Variants in DPYD observed in about 807,000 individuals in gnomAD.
The protein encoded by DPYD is dihydropyrimidine dehydrogenase.
DPYD carries 109 observed loss-of-function variants against 116.2 expected under a neutral mutation model. The ratio of observed to expected loss-of-function variants is 0.94; its 90% confidence interval spans 0.80 to 1.10. The LOEUF (loss-of-function observed/expected upper bound fraction) is 1.10, where lower values mean the gene tolerates loss of function less well. Among genes scored for constraint, DPYD ranks in the 50% least tolerant of loss-of-function variants. DPYD has a pLI of 0.00. For synonymous variants in DPYD, 440 were observed against 432.0 expected, an observed-to-expected ratio of 1.02 and a Z score of -0.23; for missense variants, 1,302 against 1,254.5, an observed-to-expected ratio of 1.04 and a Z score of -0.57.
intron 20 of DPYD, 96 bp downstream of exon 20, chr1:97,192,973 T>A: frequency 1.4e-6 from 2 of 1,409,462 alleles, no homozygotes; most frequent in Admixed American, 1.7e-5. Flanking sequence ...GGCACTGTGT[T>A]TCCTTTGTTA....
chr1:97,376,887 G>GTGTGTGTGTATATATATATATATATA lies in DPYD; in HGVS notation c.1975-3244_1975-3243insTATATATATATATATATACACACACA. ...AGTTTGTGTGTGTGTGTGTGTGTGT[G>GTGTGTGTGTATATATATATATATATA]TATATATATATATATGGTGTGGACT... On this transcript the variant is annotated intron_variant, in intron 15 of 22. Transcript: ENST00000370192. Among the ~76,000 whole-genome samples, 152 of 128,410 alleles carry GTGTGTGTGTATATATATATATATATA rather than the reference G, an allele frequency of 1.2e-3. 3 individuals carry two copies. Among genetic ancestry groups the GTGTGTGTGTATATATATATATATATA allele is most frequent in the East Asian group, 0.012 (45 of 3,854 alleles). The allele number at this position is 128,410 out of a possible 152,430, so 84.2% of individuals were successfully genotyped here.
chr1:97,577,833 T>TTTAA (rs549717330), intron 10 of DPYD, among the ~76,000 whole-genome samples: 55 of 152,124 alleles, frequency 3.6e-4, no homozygotes, highest in Admixed American at 7.2e-4. Context: ...TTTATTTTAT[T>TTTAA]TTAATTAATT....
At chr1:97,590,039 GATA>G (rs1654395932) in intron 10 of DPYD, among the ~76,000 whole-genome samples, 1 of 152,158 alleles carries the variant, frequency 6.6e-6, no homozygotes, top group South Asian at 2.1e-4. Flanking sequence ...TCTTAAAGTA[GATA>G]ATGATATTGG....
intron 10 of DPYD, among the ~76,000 whole-genome samples, chr1:97,584,477 T>C (rs1166934754): frequency 6.6e-6 from 1 of 152,116 alleles, no homozygotes; most frequent in African/African-American, 2.4e-5. Context: ...AGACATGAAG[T>C]CCTTGCCCAT....
At chr1:97,445,043 A>C (rs966956028) in intron 14 of DPYD, among the ~76,000 whole-genome samples, 7 of 152,168 alleles carry the variant, frequency 4.6e-5, no homozygotes, top group Non-Finnish European at 1.0e-4. Context: ...AACTGTTCTC[A>C]GTGCCACAAG....
At chr1:97,114,364 T>C (rs1409244993) in intron 20 of DPYD, among the ~76,000 whole-genome samples, 2 of 152,178 alleles carry the variant, frequency 1.3e-5, no homozygotes, top group Non-Finnish European at 2.9e-5. Flanking sequence ...AAAGACTATG[T>C]ACATTATATA....
At chr1:97,643,752 C>T (rs571781203) in intron 8 of DPYD, among the ~76,000 whole-genome samples, 2 of 152,216 alleles carry the variant, frequency 1.3e-5, no homozygotes, top group South Asian at 4.1e-4. Flanking sequence ...ACTATGCAGC[C>T]ATAAAAAAGG....
chr1:97,443,320 T>C (rs1277596244), intron 14 of DPYD, among the ~76,000 whole-genome samples: 1 of 152,114 alleles, frequency 6.6e-6, no homozygotes, highest in Non-Finnish European at 1.5e-5. Context: ...TTGTCCCGAA[T>C]TTTGGCAAAG....
At chr1:97,539,872 A>G (rs1003245813) in intron 12 of DPYD, among the ~76,000 whole-genome samples, 7 of 152,128 alleles carry the variant, frequency 4.6e-5, no homozygotes, top group African/African-American at 1.7e-4. Flanking sequence ...AAACATGATG[A>G]GATATCCATA....
intron 8 of DPYD, among the ~76,000 whole-genome samples, chr1:97,610,596 T>C (rs950741270): frequency 4.7e-4 from 72 of 152,038 alleles, no homozygotes; most frequent in Admixed American, 4.6e-3. Flanking sequence ...TACTGAAAAC[T>C]GTGTACGCGA....
chr1:97,578,640 AAAT>A (rs200445763), intron 10 of DPYD, among the ~76,000 whole-genome samples: 1,920 of 152,314 alleles, frequency 0.013, 21 homozygotes, highest in Non-Finnish European at 0.022. Flanking sequence ...AGTATATTTG[AAAT>A]AATGAGACTG....
At chr1:97,215,057 A>T (rs190421482) in intron 19 of DPYD, among the ~76,000 whole-genome samples, 2 of 152,320 alleles carry the variant, frequency 1.3e-5, no homozygotes, top group African/African-American at 4.8e-5. Flanking sequence ...GATGATGATG[A>T]TGGCTGATGA....
At chr1:97,784,275 A>ATT (rs1448512819) in intron 3 of DPYD, among the ~76,000 whole-genome samples, 10 of 146,550 alleles carry the variant, frequency 6.8e-5, no homozygotes, top group African/African-American at 2.0e-4. Context: ...CTTTTTTTAA[A>ATT]AAAAAAAATT....
At chr1:97,460,415 A>G (rs1676951124) in intron 13 of DPYD, among the ~76,000 whole-genome samples, 1 of 152,010 alleles carries the variant, frequency 6.6e-6, no homozygotes, top group Admixed American at 6.6e-5. Flanking sequence ...AACATACAAC[A>G]TGGGAACATT....
intron 14 of DPYD, among the ~76,000 whole-genome samples, chr1:97,384,329 A>T (rs4950030): frequency 0.17 from 25,839 of 151,024 alleles, 2,871 homozygotes; most frequent in Non-Finnish European, 0.25. Context: ...TATTGGAGAG[A>T]GTTCTAAAAA....
chr1:97,828,153 G>A lies in DPYD; in HGVS notation c.194C>T (p.Thr65Met), dbSNP rs371587702. 1.8e-4 allele frequency: 294 copies of A among 1,613,572 alleles called. No homozygotes were observed. Among genetic ancestry groups the A allele is most frequent in the Non-Finnish European group, 2.3e-4 (269 of 1,179,836 alleles). Residue 65 changes from threonine (T) to methionine (M), a missense_variant, in exon 3 of 23, where the codon ACG becomes ATG. Transcript: ENST00000370192. ...LENNFDDIKH[T>M]TLGERGALRE... ...GAGAGCTCCTCGCTCACCAAGAGTCGTGTGCTTGATGTCATCAAAATTATT... is the reference window on the plus strand; with the variant it reads ...GAGAGCTCCTCGCTCACCAAGAGTCATGTGCTTGATGTCATCAAAATTATT...
intron 8 of DPYD, among the ~76,000 whole-genome samples, chr1:97,601,991 G>A (rs1321597114): frequency 6.6e-6 from 1 of 151,912 alleles, no homozygotes. Context: ...TTAATTGTGT[G>A]TATCACACAA....
At chr1:97,164,892 T>A (rs1656204685) in intron 20 of DPYD, among the ~76,000 whole-genome samples, 1 of 151,384 alleles carries the variant, frequency 6.6e-6, no homozygotes, top group Admixed American at 6.6e-5. Flanking sequence ...GTATTTTTAG[T>A]AGAGATGCGG....
intron 12 of DPYD, among the ~76,000 whole-genome samples, chr1:97,536,947 T>C (rs532506993): frequency 6.6e-6 from 1 of 152,228 alleles, no homozygotes; most frequent in Non-Finnish European, 1.5e-5. Context: ...CTGTGCAATT[T>C]AAATTTCTAA....
Sources: allele counts gnomAD v4.1 joint callset (sites outside exome capture counted in the v4.1 genomes callset), GRCh38; gene constraint gnomAD v4.1.1; transcripts MANE v1.5; gene names NCBI Gene and HGNC (gene_info 2026-07-23, HGNC 2026-07-21).